RSPO3: variants seen among roughly 807,000 people sequenced by gnomAD.
RSPO3 encodes the protein R-spondin 3.
A neutral mutation model predicts 36.5 loss-of-function variants in RSPO3; 17 were observed. That is an observed-to-expected ratio of 0.47 (90% CI 0.32 to 0.70). RSPO3 has a LOEUF of 0.70. RSPO3 is among the 30% of genes least tolerant of loss of function. The probability of loss-of-function intolerance (pLI) is 0.04; values close to 1 mark genes in which losing one functional copy is unlikely to be tolerated. For synonymous variants in RSPO3, 108 were observed against 107.0 expected, an observed-to-expected ratio of 1.01 and a Z score of -0.06; for missense variants, 294 against 322.5, an observed-to-expected ratio of 0.91 and a Z score of 0.68.
Position 127,196,260 on chromosome 6 carries a change from C to T in RSPO3, c.*253C>T, listed in dbSNP as rs1028472157. 2 of 271,290 alleles carry T rather than the reference C, an allele frequency of 7.4e-6. No homozygotes were observed. The highest frequency in any genetic ancestry group is 1.4e-5 in the Non-Finnish European group (2 of 144,998). 16.8% of individuals were successfully genotyped at this position (271,290 alleles called of 1,614,324 possible). ...TTTTAAAAGACAAGACATTCTTGTACATATTATCAATAGGCTATAAGATGT... is the reference window on the plus strand; with the variant it reads ...TTTTAAAAGACAAGACATTCTTGTATATATTATCAATAGGCTATAAGATGT... On this transcript the variant is annotated 3_prime_UTR_variant, in exon 5 of 5. Coordinates refer to ENST00000356698, the MANE Select transcript of RSPO3 (RefSeq NM_032784.5).
chr6:127,122,314 C>T (rs1280868188), intron 1 of RSPO3, among the ~76,000 whole-genome samples: 1 of 152,154 alleles, frequency 6.6e-6, no homozygotes, highest in Non-Finnish European at 1.5e-5. Context: ...AAATTTTTAT[C>T]TATTTGAATT....
chr6:127,131,170 A>G (rs1774045837), intron 1 of RSPO3, among the ~76,000 whole-genome samples: 1 of 152,114 alleles, frequency 6.6e-6, no homozygotes, highest in African/African-American at 2.4e-5. Flanking sequence ...ACTTGGCCCT[A>G]GTACAATCAA....
Position 127,159,763 on chromosome 6 carries a change from C to G in RSPO3, c.634+4325C>G, listed in dbSNP as rs377097676. On this transcript the variant is annotated intron_variant, in intron 4 of 4. Coordinates refer to ENST00000356698, the MANE Select transcript of RSPO3 (RefSeq NM_032784.5). ...TCCTGAGTTCAAGCGATTCTCCTGT[C>G]TCAGTCTCCTGAGTAGCTGGGATTA... is the stretch of plus-strand genomic sequence containing the variant. 3.9e-4 allele frequency among the ~76,000 whole-genome samples: 59 copies of G among 149,664 alleles called. No individual in the cohort carries two copies. The East Asian group carries it at 0.011, about 29-fold the overall frequency.
chr6:127,141,848 T>C (rs1046006394), intron 1 of RSPO3, among the ~76,000 whole-genome samples: 1 of 152,108 alleles, frequency 6.6e-6, no homozygotes, highest in African/African-American at 2.4e-5. Context: ...TGGGCATGCA[T>C]GCGTGCATAT....
intron 1 of RSPO3, among the ~76,000 whole-genome samples, chr6:127,130,794 T>A (rs1774036165): frequency 6.6e-6 from 1 of 152,124 alleles, no homozygotes; most frequent in African/African-American, 2.4e-5. Context: ...GCTACATATT[T>A]GTTTCTTATA....
chr6:127,144,643 G>GTTTTTTTGTTTTTTTTTTTTTTT lies in RSPO3; in HGVS notation c.98-3998_98-3997insGTTTTTTTTTTTTTTTTTTTTTT, dbSNP rs763226451. ...TGTAATTTTTCAGTAGCTTCCCCTT[G>GTTTTTTTGTTTTTTTTTTTTTTT]TTTTTTTTTTTTTCAGACAGAGTCT... On this transcript the variant is annotated intron_variant, in intron 1 of 4. Transcript: ENST00000356698. 7.3e-4 allele frequency among the ~76,000 whole-genome samples: 72 copies of GTTTTTTTGTTTTTTTTTTTTTTT among 99,096 alleles called. 1 individual carries two copies. The highest frequency in any genetic ancestry group is 1.0e-3 in the Non-Finnish European group (51 of 51,062). 65.0% of individuals were successfully genotyped at this position (99,096 alleles called of 152,430 possible).
At chr6:127,162,332 C>T (rs1274597912) in intron 4 of RSPO3, among the ~76,000 whole-genome samples, 2 of 152,030 alleles carry the variant, frequency 1.3e-5, no homozygotes, top group African/African-American at 4.8e-5. Flanking sequence ...TGCATTCTAC[C>T]CTAGAGGTCT....
At chr6:127,154,499 A>T (rs542424499) in intron 3 of RSPO3, among the ~76,000 whole-genome samples, 2 of 152,330 alleles carry the variant, frequency 1.3e-5, no homozygotes, top group Middle Eastern at 3.4e-3. Context: ...TTTTAGAAGC[A>T]GGTTATCAGC....
At chr6:127,166,144 C>T (rs1426519965) in intron 4 of RSPO3, among the ~76,000 whole-genome samples, 1 of 151,864 alleles carries the variant, frequency 6.6e-6, no homozygotes, top group Non-Finnish European at 1.5e-5. Context: ...AAATTGTGCA[C>T]CTTAGTAGCT....
At chr6:127,181,115 A>G (rs1775178128) in intron 4 of RSPO3, among the ~76,000 whole-genome samples, 1 of 151,874 alleles carries the variant, frequency 6.6e-6, no homozygotes, top group East Asian at 1.9e-4. Context: ...ATGACTAAAT[A>G]GCTTGACAGA....
chr6:127,176,205 A>C (rs140932308), intron 4 of RSPO3, among the ~76,000 whole-genome samples: 35 of 151,904 alleles, frequency 2.3e-4, no homozygotes, highest in African/African-American at 8.0e-4. Flanking sequence ...GATTTATGAG[A>C]TACTTTAATG....
At chr6:127,191,814 C>A (rs1402337849) in intron 4 of RSPO3, among the ~76,000 whole-genome samples, 1 of 152,232 alleles carries the variant, frequency 6.6e-6, no homozygotes, top group Non-Finnish European at 1.5e-5. Context: ...TATCTGAATT[C>A]AATACTTGCC....
intron 3 of RSPO3, among the ~76,000 whole-genome samples, chr6:127,154,051 C>T (rs952842389): frequency 1.3e-5 from 2 of 152,080 alleles, no homozygotes; most frequent in Admixed American, 6.6e-5. Context: ...CATTTAATTC[C>T]GTGTTGCACT....
Position 127,118,993 on chromosome 6 carries a change from A to G in RSPO3, c.-200A>G. ...CGCAGTTCAGTGCTTGGATAATTTG[A>G]AAGTACAATAGTTGGTTTCCCTGTC... On this transcript the variant is annotated 5_prime_UTR_variant, in exon 1 of 5. An upstream open reading frame in the 5' UTR loses its in-frame stop. Transcript: ENST00000356698. The G allele has an allele frequency of 2.3e-6, 1 of 425,614 alleles. No homozygotes were observed. The highest frequency in any genetic ancestry group is 2.0e-5 in the African/African-American group (1 of 49,046). 26.4% of individuals were successfully genotyped at this position (425,614 alleles called of 1,614,324 possible). A position where few individuals can be genotyped will look rare whatever the true frequency, so the allele number is the denominator to read the frequency against.
chr6:127,168,982 T>C (rs1774880484), intron 4 of RSPO3, among the ~76,000 whole-genome samples: 1 of 152,078 alleles, frequency 6.6e-6, no homozygotes, highest in Non-Finnish European at 1.5e-5. Flanking sequence ...ACGAGGACCA[T>C]GCTGTTTTGG....
intron 4 of RSPO3, among the ~76,000 whole-genome samples, chr6:127,183,664 C>T (rs572325813): frequency 6.6e-6 from 1 of 152,004 alleles, no homozygotes; most frequent in African/African-American, 2.4e-5. Context: ...AGGCTCTTGC[C>T]AAAGAGAAAG....
intron 4 of RSPO3, among the ~76,000 whole-genome samples, chr6:127,168,613 T>A (rs1217760229): frequency 2.0e-5 from 3 of 152,108 alleles, no homozygotes; most frequent in African/African-American, 4.8e-5. Flanking sequence ...TTAGATCCCA[T>A]TTGTCAATTT....
At chr6:127,130,874 T>C (rs1334749870) in intron 1 of RSPO3, among the ~76,000 whole-genome samples, 1 of 152,068 alleles carries the variant, frequency 6.6e-6, no homozygotes, top group Non-Finnish European at 1.5e-5. Flanking sequence ...CCCTCGTTGC[T>C]TGTTTGGTAA....
At chr6:127,185,702 C>G (rs1775279521) in intron 4 of RSPO3, among the ~76,000 whole-genome samples, 1 of 150,342 alleles carries the variant, frequency 6.7e-6, no homozygotes, top group African/African-American at 2.5e-5. Flanking sequence ...TACATTTTTC[C>G]CCCATAGACC....
Sources: allele counts gnomAD v4.1 joint callset (sites outside exome capture counted in the v4.1 genomes callset), GRCh38; gene constraint gnomAD v4.1.1; transcripts MANE v1.5; gene names NCBI Gene and HGNC (gene_info 2026-07-23, HGNC 2026-07-21).